Variants in ASB3 observed in about 807,000 individuals in gnomAD.
ASB3 encodes ankyrin repeat and SOCS box protein 3.
A neutral mutation model predicts 54.5 loss-of-function variants in ASB3; 41 were observed. That is an observed-to-expected ratio of 0.75 (90% confidence interval 0.59 to 0.98). ASB3 has a LOEUF of 0.98. Ranked by LOEUF, ASB3 falls within the 50% of genes least tolerant of loss-of-function variation. The probability of loss-of-function intolerance (pLI) is 0.00; values close to 1 mark genes in which losing one functional copy is unlikely to be tolerated. For synonymous variants in ASB3, 266 were observed against 221.2 expected (o/e 1.20, Z -1.80); for missense variants, 733 against 620.0 (o/e 1.18, Z -1.94).
chr2:53,707,870 G>A (rs759170403), intron 7 of ASB3, among the ~76,000 whole-genome samples: 52 of 150,718 alleles, frequency 3.5e-4, no homozygotes, highest in Admixed American at 7.3e-4. Context: ...GCTGACGCAC[G>A]AGAATTGCAT....
At chr2:53,670,786 A>G in intron 9 of ASB3, 96 bp from the exon 10 acceptor site, 1 of 1,354,412 alleles carries the variant, frequency 7.4e-7, no homozygotes, top group Non-Finnish European at 9.9e-7. Flanking sequence ...TCTTAGTAAT[A>G]AAAGTGATAT....
chr2:53,676,324 T>G (rs746324508), intron 9 of ASB3, among the ~76,000 whole-genome samples: 1 of 152,240 alleles, frequency 6.6e-6, no homozygotes, highest in Non-Finnish European at 1.5e-5. Context: ...ACTCATTTCA[T>G]GTTATCTCCA....
At chr2:53,775,838 G>A (rs990627744) in intron 1 of ASB3, among the ~76,000 whole-genome samples, 4 of 152,092 alleles carry the variant, frequency 2.6e-5, no homozygotes, top group Non-Finnish European at 5.9e-5. Flanking sequence ...TGCATAGATT[G>A]TATTTTTTTA....
rs79522874 is a variant in ASB3, at chr2:53,677,218, T to C, written c.1370-6528A>G. ...GCTATACTATGTAGCCTCAGGTGTG[T>C]AGTAGGCTCTACCATCTAGTTTATA... On this transcript the variant is annotated intron_variant, in intron 9 of 9. Coordinates refer to ENST00000263634, the MANE Select transcript of ASB3 (RefSeq NM_016115.5). Among the ~76,000 whole-genome samples the C allele has an allele frequency of 2.1e-4, 32 of 152,336 alleles. No individual in the cohort carries two copies. The East Asian group carries it at 5.4e-3, about 26-fold the overall frequency.
chr2:53,777,711 A>G (rs1674419976), intron 1 of ASB3, among the ~76,000 whole-genome samples: 2 of 152,382 alleles, frequency 1.3e-5, no homozygotes, highest in Non-Finnish European at 2.9e-5. Flanking sequence ...AAAAATAAAC[A>G]GGTTTATGAT....
intron 5 of ASB3, among the ~76,000 whole-genome samples, chr2:53,721,466 G>C (rs534184420): frequency 8.6e-5 from 13 of 151,598 alleles, no homozygotes; most frequent in African/African-American, 2.7e-4. Context: ...AGCTACTCAG[G>C]AGACTGAGGC....
At chr2:53,755,381 T>G (rs1672758029) in intron 2 of ASB3, among the ~76,000 whole-genome samples, 1 of 152,174 alleles carries the variant, frequency 6.6e-6, no homozygotes, top group Admixed American at 6.5e-5. Context: ...TAGTAATGGG[T>G]GATAGACCGT....
chr2:53,730,674 T>C (rs1671256625), intron 3 of ASB3, among the ~76,000 whole-genome samples: 1 of 152,214 alleles, frequency 6.6e-6, no homozygotes, highest in Non-Finnish European at 1.5e-5. Context: ...TGTGTATACA[T>C]GTTCCTTTTT....
At chr2:53,778,167 A>AG (rs1353755933) in intron 1 of ASB3, among the ~76,000 whole-genome samples, 18 of 151,324 alleles carry the variant, frequency 1.2e-4, no homozygotes, top group Non-Finnish European at 2.5e-4. Context: ...AAAAAAAAAA[A>AG]AAAAAGAGTG....
intron 1 of ASB3, among the ~76,000 whole-genome samples, chr2:53,778,033 C>T (rs1674442569): frequency 6.6e-6 from 1 of 151,600 alleles, no homozygotes; most frequent in African/African-American, 2.4e-5. Flanking sequence ...CCTGTAGTCC[C>T]AGCTACTTGG....
chr2:53,718,355 T>A (rs892742881), intron 5 of ASB3, among the ~76,000 whole-genome samples: 1 of 151,992 alleles, frequency 6.6e-6, no homozygotes, highest in African/African-American at 2.4e-5. Context: ...AGATTGGGGG[T>A]CTATTTTCAG....
At chr2:53,766,528 A>G (rs565101017) in intron 1 of ASB3, among the ~76,000 whole-genome samples, 30 of 152,304 alleles carry the variant, frequency 2.0e-4, no homozygotes, top group Admixed American at 1.5e-3. Flanking sequence ...TATTCTTATG[A>G]GACACATGTA....
chr2:53,736,976 T>A (rs1407185771), intron 3 of ASB3, among the ~76,000 whole-genome samples: 3 of 152,112 alleles, frequency 2.0e-5, no homozygotes, highest in African/African-American at 7.2e-5. Context: ...AGAGCAAGAC[T>A]CTGTCTCAAA....
chr2:53,768,022 G>C, intron 1 of ASB3: 2 of 1,613,144 alleles, frequency 1.2e-6, no homozygotes, highest in Non-Finnish European at 1.7e-6. Flanking sequence ...CCCCGGCAAG[G>C]TGAGGCGCCG....
chr2:53,767,563 A>G, intron 1 of ASB3: 1 of 236,730 alleles, frequency 4.2e-6, no homozygotes, highest in East Asian at 9.9e-5. Flanking sequence ...AATAGCTCCA[A>G]AAAGCATTGT....
chr2:53,693,910 T>A lies in ASB3; in HGVS notation c.1343A>T (p.Asn448Ile). 1 of 1,613,462 alleles carries A rather than the reference T, an allele frequency of 6.2e-7. No homozygotes were observed. The highest frequency in any genetic ancestry group is 8.5e-7 in the Non-Finnish European group (1 of 1,179,550). The change falls in exon 9 of 10, where the codon AAC becomes ATC. Residue 448 changes from asparagine (N) to isoleucine (I), a missense_variant. Physicochemically the swap from Asn to Ile is moderately radical, Grantham distance 149 (BLOSUM62 -3). Coordinates refer to ENST00000263634, the MANE Select transcript of ASB3 (RefSeq NM_016115.5). Reference sequence around the variant, plus strand: ...AATATGTTGCTGTAGAATCCAAGCGTTTGAGGCACGAGCAGAGAGCATCCT... The same window carrying A: ...AATATGTTGCTGTAGAATCCAAGCGATTGAGGCACGAGCAGAGAGCATCCT... The part of the protein sequence containing the change: ...VERMLSARAS[N>I]AWILQQHIAT...
At chr2:53,692,112 G>T (rs1006940989) in intron 9 of ASB3, among the ~76,000 whole-genome samples, 2 of 152,108 alleles carry the variant, frequency 1.3e-5, no homozygotes, top group Non-Finnish European at 2.9e-5. Context: ...CCTAACAATT[G>T]TGACAACCAA....
intron 3 of ASB3, among the ~76,000 whole-genome samples, chr2:53,736,856 T>C (rs1671664044): frequency 1.3e-5 from 2 of 151,782 alleles, no homozygotes; most frequent in Non-Finnish European, 1.5e-5. Flanking sequence ...CCAGGTGTGG[T>C]GGTGCATGCC....
intron 9 of ASB3, among the ~76,000 whole-genome samples, chr2:53,693,473 A>C (rs927528439): frequency 2.6e-5 from 4 of 152,180 alleles, no homozygotes; most frequent in Non-Finnish European, 5.9e-5. Flanking sequence ...ATTTCCTTTT[A>C]GATATGATAA....
Sources: gnomAD v4.1 joint callset for allele counts (sites outside exome capture counted in the v4.1 genomes callset) on GRCh38, gnomAD v4.1.1 for gene constraint, MANE v1.5 for transcripts, NCBI Gene and HGNC (gene_info 2026-07-23, HGNC 2026-07-21) for gene names.